ACSM3: variants seen among roughly 807,000 people sequenced by gnomAD.
ACSM3 encodes acyl-coenzyme A synthetase ACSM3, mitochondrial.
A neutral mutation model predicts 74.1 loss-of-function variants in ACSM3; 61 were observed. That is an observed-to-expected ratio of 0.82 (90% CI 0.67 to 1.02). ACSM3 has a LOEUF of 1.02. Among genes scored for constraint, ACSM3 ranks in the 50% least tolerant of loss-of-function variants. The probability of loss-of-function intolerance (pLI) is 0.00; values close to 1 mark genes in which losing one functional copy is unlikely to be tolerated. For missense variants in ACSM3, 660 were observed against 697.0 expected (o/e 0.95, Z 0.60); for synonymous variants, 213 against 241.5 (o/e 0.88, Z 1.09).
intron 3 of ACSM3, among the ~76,000 whole-genome samples, chr16:20,776,472 TG>T (rs1567350410): frequency 6.6e-6 from 1 of 152,178 alleles, no homozygotes; most frequent in African/African-American, 2.4e-5. Context: ...AAACCTATTG[TG>T]AAGTGAATGC....
At chr16:20,786,348 AC>A in intron 9 of ACSM3, 190 bp downstream of exon 9, 2 of 1,210,484 alleles carry the variant, frequency 1.7e-6, no homozygotes, top group Non-Finnish European at 1.1e-6. Flanking sequence ...TTTTGCAAAT[AC>A]CCATATTGTA....
intron 1 of ACSM3, among the ~76,000 whole-genome samples, chr16:20,742,814 T>TATA (rs1555483507): frequency 4.4e-4 from 23 of 51,784 alleles, no homozygotes; most frequent in African/African-American, 1.0e-3. Context: ...TATATATATA[T>TATA]TTTTTTTTTT....
chr16:20,697,352 AC>A (rs2079695176), intron 1 of ACSM3, among the ~76,000 whole-genome samples: 1 of 152,152 alleles, frequency 6.6e-6, no homozygotes, highest in Non-Finnish European at 1.5e-5. Flanking sequence ...ACGGCTCACC[AC>A]ATTCAGAGCT....
intron 4 of ACSM3, among the ~76,000 whole-genome samples, chr16:20,777,907 C>T (rs576365214): frequency 6.7e-4 from 102 of 152,326 alleles, no homozygotes; most frequent in African/African-American, 2.4e-3. Flanking sequence ...CCCTACAAAG[C>T]TTTCAGTCAA....
At chr16:20,774,320 C>A (rs1316236077) in intron 2 of ACSM3, among the ~76,000 whole-genome samples, 1 of 149,498 alleles carries the variant, frequency 6.7e-6, no homozygotes, top group Non-Finnish European at 1.5e-5. Flanking sequence ...CAGCTCACTG[C>A]AACCTCCGCC....
Position 20,781,722 on chromosome 16 carries a change from C to A in ACSM3, c.954C>A (p.Tyr318Ter). ...PTSILQTLSK[Y>*]PITVFCSAPT... is the part of the protein sequence containing the mutation. The stretch of plus-strand genomic sequence containing the variant: ...CTAAATTGCAGACACTCTCCAAGTA[C>A]CCCATCACAGTCTTCTGTTCAGCAC... Residue 318 changes from tyrosine (Y) to a stop codon, truncating the protein, a stop_gained, in exon 7 of 14, where the codon TAC becomes TAA. Coordinates refer to ENST00000289416, the MANE Select transcript of ACSM3 (RefSeq NM_005622.4). LOFTEE classifies it high-confidence loss of function. The A allele has an allele frequency of 6.2e-7, 1 of 1,612,710 alleles. No homozygotes were observed. The highest frequency in any genetic ancestry group is 8.5e-7 in the Non-Finnish European group (1 of 1,178,746).
At chr16:20,698,175 C>CA (rs1258138739) in intron 1 of ACSM3, among the ~76,000 whole-genome samples, 1 of 133,156 alleles carries the variant, frequency 7.5e-6, no homozygotes, top group African/African-American at 2.9e-5. Context: ...GCCTGGGAGA[C>CA]AGAGACTCTG....
intron 1 of ACSM3, among the ~76,000 whole-genome samples, chr16:20,683,543 T>C (rs1281890820): frequency 6.6e-6 from 1 of 152,116 alleles, no homozygotes; most frequent in South Asian, 2.1e-4. Flanking sequence ...CTACACCTTA[T>C]TTTCTATTTC....
At chr16:20,714,806 A>G (rs1258069518) in intron 1 of ACSM3, among the ~76,000 whole-genome samples, 2 of 152,220 alleles carry the variant, frequency 1.3e-5, no homozygotes, top group Admixed American at 6.5e-5. Flanking sequence ...TATGAGTCTC[A>G]GGAACAAGAG....
intron 2 of ACSM3, among the ~76,000 whole-genome samples, chr16:20,775,576 A>C (rs2080245567): frequency 6.6e-6 from 1 of 152,066 alleles, no homozygotes; most frequent in Non-Finnish European, 1.5e-5. Context: ...CTTCCTTGCT[A>C]AATTCCAGTG....
Position 20,769,996 on chromosome 16 carries a change from CTG to C in ACSM3, c.-36_-35del, listed in dbSNP as rs1450907541. ...GCTTGTCTTTTAGATGAACTGGTCTCTGTGCAAATCCTGAGTGCTAAAGCTTC... is the reference window on the plus strand; with the variant it reads ...GCTTGTCTTTTAGATGAACTGGTCTCTGCAAATCCTGAGTGCTAAAGCTTC... On this transcript the variant is annotated 5_prime_UTR_variant, in exon 2 of 14. An upstream open reading frame in the 5' UTR loses its in-frame stop. Transcript: ENST00000289416. 1 of 1,597,362 alleles carries C rather than the reference CTG, an allele frequency of 6.3e-7. No homozygotes were observed. The highest frequency in any genetic ancestry group is 2.2e-5 in the East Asian group (1 of 44,802).
intron 1 of ACSM3, chr16:20,721,391 T>G (rs2079784864): frequency 6.6e-6 from 1 of 152,230 alleles, no homozygotes; most frequent in Non-Finnish European, 1.5e-5. Context: ...TGATTTTTTT[T>G]TGATATCGTT....
chr16:20,741,477 G>A (rs2079921454), intron 1 of ACSM3: 3 of 1,378,116 alleles, frequency 2.2e-6, no homozygotes, highest in Non-Finnish European at 2.9e-6. Flanking sequence ...AGGCCTGGCA[G>A]CCGGCCCGCC....
intron 12 of ACSM3, among the ~76,000 whole-genome samples, chr16:20,793,544 C>A (rs77675321): frequency 0.021 from 3,178 of 152,178 alleles, 44 homozygotes; most frequent in South Asian, 0.052. Flanking sequence ...GGGTGGATCT[C>A]CCCCCAGGAC....
chr16:20,737,892 T>C, intron 1 of ACSM3: 1 of 1,613,830 alleles, frequency 6.2e-7, no homozygotes, highest in East Asian at 2.2e-5. Flanking sequence ...GCAAAATAAC[T>C]CGAGTCTTCT....
intron 1 of ACSM3, among the ~76,000 whole-genome samples, 190 bp downstream of exon 1, chr16:20,764,315 C>T (rs1389464973): frequency 6.6e-6 from 1 of 152,168 alleles, no homozygotes; most frequent in Non-Finnish European, 1.5e-5. Context: ...GGAGTATGCA[C>T]ACACAAAAGG....
At position 20,796,349 on chromosome 16, in the gene ACSM3, T is replaced by C. The variant is rs1156726734; in HGVS notation, c.1555-21T>C. ...ACAAATGCATAACTCATTTTCCTGG[T>C]GTTTCAAATATTTATTTTAGGTAGT... is the stretch of plus-strand genomic sequence containing the variant. On this transcript the variant is annotated intron_variant, in intron 12 of 13. Transcript: ENST00000289416. 5 of 1,601,170 alleles carry C rather than the reference T, an allele frequency of 3.1e-6. No homozygotes were observed. The African/African-American group carries it at 5.4e-5, about 17-fold the overall frequency.
intron 1 of ACSM3, among the ~76,000 whole-genome samples, chr16:20,726,580 T>C (rs1228596418): frequency 3.3e-5 from 5 of 152,230 alleles, no homozygotes; most frequent in Non-Finnish European, 5.9e-5. Flanking sequence ...CTCTGGTTCA[T>C]TTGGGGCCTC....
At chr16:20,772,416 A>T (rs1379097893) in intron 2 of ACSM3, among the ~76,000 whole-genome samples, 2 of 114,694 alleles carry the variant, frequency 1.7e-5, no homozygotes, top group Non-Finnish European at 4.0e-5. Flanking sequence ...AAATTAAAAT[A>T]AAAAATAAAA....
Sources: gnomAD v4.1 joint callset for allele counts (sites outside exome capture counted in the v4.1 genomes callset) on GRCh38, gnomAD v4.1.1 for gene constraint, MANE v1.5 for transcripts, NCBI Gene and HGNC (gene_info 2026-07-23, HGNC 2026-07-21) for gene names.